RELN: variants seen among roughly 807,000 people sequenced by gnomAD.
The protein encoded by RELN is reelin.
RELN carries 108 observed loss-of-function variants against 427.6 expected under a neutral mutation model. The observed-to-expected ratio is 0.25, with a 90% CI of 0.22 to 0.30. The LOEUF (loss-of-function observed/expected upper bound fraction) is 0.30, where lower values mean the gene tolerates loss of function less well. Ranked by LOEUF, RELN falls within the 10% of genes least tolerant of loss-of-function variation. The probability of loss-of-function intolerance (pLI) is 1.00; values close to 1 mark genes in which losing one functional copy is unlikely to be tolerated. For synonymous variants in RELN, 1,524 were observed against 1,513.4 expected (o/e 1.01, Z -0.16); for missense variants, 3,715 against 4,302.8 (o/e 0.86, Z 3.82).
At chr7:103,931,335 C>T (rs753276234) in intron 1 of RELN, among the ~76,000 whole-genome samples, 14 of 152,182 alleles carry the variant, frequency 9.2e-5, no homozygotes, top group Non-Finnish European at 1.8e-4. Context: ...TGTTGAAATC[C>T]TCCCAACTTA....
At chr7:103,511,031 T>C in intron 50 of RELN, 26 bp from the exon 51 acceptor site, 10 of 1,593,950 alleles carry the variant, frequency 6.3e-6, no homozygotes, top group Non-Finnish European at 7.7e-6. Context: ...CAAAATTTTA[T>C]GACAAATTTG....
intron 2 of RELN, 27 bp downstream of exon 2, chr7:103,917,048 A>G (rs778010136): frequency 3.9e-6 from 6 of 1,548,716 alleles, no homozygotes; most frequent in East Asian, 4.5e-5. Flanking sequence ...AATACCCCCA[A>G]ATTTCTGGTT....
At position 103,836,423 on chromosome 7, in the gene RELN, A is replaced by G. The variant is rs576378516; in HGVS notation, c.338-2751T>C. 3.3e-5 allele frequency among the ~76,000 whole-genome samples: 5 copies of G among 152,340 alleles called. No homozygotes were observed. In the South Asian group the frequency reaches 6.2e-4, roughly 19 times the overall value. Reference sequence around the variant, plus strand: ...ATAGCACATGTGGCTCATGGCTGCCACACTGGACAGCACAGAACAGAACAT... The same window carrying G: ...ATAGCACATGTGGCTCATGGCTGCCGCACTGGACAGCACAGAACAGAACAT... On this transcript the variant is annotated intron_variant, in intron 2 of 64. Transcript: ENST00000428762.
At chr7:103,905,478 GA>G (rs1795182817) in intron 2 of RELN, among the ~76,000 whole-genome samples, 2 of 152,052 alleles carry the variant, frequency 1.3e-5, no homozygotes, top group Non-Finnish European at 2.9e-5. Flanking sequence ...GACAAATATA[GA>G]TTTAGAAATA....
chr7:103,735,103 A>G (rs1790458759), intron 6 of RELN, among the ~76,000 whole-genome samples: 1 of 152,146 alleles, frequency 6.6e-6, no homozygotes, highest in African/African-American at 2.4e-5. Flanking sequence ...CAGTAAATAT[A>G]AAGACTGGTA....
At chr7:103,520,893 G>A (rs1025760518) in intron 48 of RELN, among the ~76,000 whole-genome samples, 1 of 149,316 alleles carries the variant, frequency 6.7e-6, no homozygotes, top group Non-Finnish European at 1.5e-5. Context: ...ACACTTCATT[G>A]GCACAAATGT....
intron 45 of RELN, among the ~76,000 whole-genome samples, chr7:103,537,648 C>T (rs537819801): frequency 1.3e-5 from 2 of 152,296 alleles, no homozygotes; most frequent in African/African-American, 4.8e-5. Context: ...TCTTTGGGCT[C>T]TCCTCTACTT....
intron 1 of RELN, among the ~76,000 whole-genome samples, chr7:103,983,430 T>C (rs1797032665): frequency 6.6e-6 from 1 of 152,206 alleles, no homozygotes; most frequent in Admixed American, 6.5e-5. Context: ...AGTGAGATCA[T>C]GTCATTTCAT....
At chr7:103,476,811 C>G in intron 64 of RELN, 1 of 247,604 alleles carries the variant, frequency 4.0e-6, no homozygotes, top group South Asian at 4.3e-5. Flanking sequence ...TATTTGTGAG[C>G]CTATTTTTTG....
chr7:103,725,425 C>T (rs964474067), intron 7 of RELN, among the ~76,000 whole-genome samples: 3 of 116,158 alleles, frequency 2.6e-5, no homozygotes, highest in Non-Finnish European at 5.7e-5. Context: ...TGTGGTGGTG[C>T]ATGCCTGTAG....
intron 2 of RELN, among the ~76,000 whole-genome samples, chr7:103,892,653 G>C (rs1794875697): frequency 6.6e-6 from 1 of 152,050 alleles, no homozygotes; most frequent in Non-Finnish European, 1.5e-5. Flanking sequence ...TTTATAATCA[G>C]GAACTCATAA....
chr7:103,755,696 G>T (rs146052539), intron 4 of RELN, among the ~76,000 whole-genome samples: 7,132 of 148,444 alleles, frequency 0.048, 569 homozygotes, highest in African/African-American at 0.17. Context: ...GGTGCCTGTA[G>T]TCCCAGCTAC....
chr7:103,472,699 T>TA lies in RELN; in HGVS notation c.*112dup. The TA allele has an allele frequency of 1.2e-6, 1 of 850,672 alleles. No homozygotes were observed. 52.7% of individuals were successfully genotyped at this position (850,672 alleles called of 1,614,324 possible). On this transcript the variant is annotated 3_prime_UTR_variant, in exon 65 of 65. Transcript: ENST00000428762. ...CTCGGTCTTGAGAAGGGCTTTCAGG[T>TA]AATCACCAAGTCCTTCACAGATATT...
At chr7:103,765,710 G>T (rs1380999469) in intron 4 of RELN, among the ~76,000 whole-genome samples, 1 of 152,112 alleles carries the variant, frequency 6.6e-6, no homozygotes, top group African/African-American at 2.4e-5. Flanking sequence ...AAAATATGGA[G>T]GAATCAAGCA....
intron 4 of RELN, among the ~76,000 whole-genome samples, chr7:103,775,892 C>G (rs750112554): frequency 6.6e-6 from 1 of 152,114 alleles, no homozygotes; most frequent in East Asian, 1.9e-4. Context: ...CACCCCTTTT[C>G]AGAGAAAAAT....
At chr7:103,491,823 G>GTCTCTCTCTCTC (rs60846683) in intron 58 of RELN, 130 bp downstream of exon 58, 14 of 429,094 alleles carry the variant, frequency 3.3e-5, no homozygotes, top group East Asian at 9.7e-5. Flanking sequence ...GAGCGAAACT[G>GTCTCTCTCTCTC]TCTCTCTCTC....
chr7:103,638,383 G>T (rs1832627917), intron 17 of RELN, among the ~76,000 whole-genome samples: 1 of 152,156 alleles, frequency 6.6e-6, no homozygotes, highest in Non-Finnish European at 1.5e-5. Context: ...GCCTGGGATT[G>T]TACACAGGCC....
rs1299866522 is a variant in RELN, at chr7:103,603,776, GTGTT to G, written c.3147-290_3147-287del. Among the ~76,000 whole-genome samples the G allele has an allele frequency of 1.3e-5, 2 of 152,194 alleles. No homozygotes were observed. Among genetic ancestry groups the G allele is most frequent in the Non-Finnish European group, 2.9e-5 (2 of 68,028 alleles). ...GTGGTGTGTGTGCTTATGTGAGTGT[GTGTT>G]TGTGGGGGGCTGAGGGATAGTGGGA... On this transcript the variant is annotated intron_variant, in intron 23 of 64. Transcript: ENST00000428762. The surrounding 1 kb of genome is among the most constrained non-coding windows in gnomAD (Gnocchi z 4.3).
intron 46 of RELN, among the ~76,000 whole-genome samples, chr7:103,524,186 C>T (rs2117096405): frequency 6.6e-6 from 1 of 152,260 alleles, no homozygotes; most frequent in South Asian, 2.1e-4. Context: ...TGGAATGACA[C>T]CAGAGCTGCT....
Sources: allele counts gnomAD v4.1 joint callset (sites outside exome capture counted in the v4.1 genomes callset), GRCh38; gene constraint gnomAD v4.1.1; non-coding constraint Gnocchi (gnomAD v3.1); transcripts MANE v1.5; gene names NCBI Gene and HGNC (gene_info 2026-07-23, HGNC 2026-07-21).